Variants in KCNN3 observed in about 807,000 individuals in gnomAD.
KCNN3 encodes potassium calcium-activated channel subfamily N member 3.
In KCNN3, 16 loss-of-function variants were observed where a neutral mutation model predicts 62.9. The observed-to-expected ratio is 0.25, with a 90% CI of 0.17 to 0.39. The LOEUF is 0.39. KCNN3 is among the 10% of genes least tolerant of loss of function. KCNN3 has a pLI of 1.00. For synonymous variants in KCNN3, 370 were observed against 389.2 expected (o/e 0.95, Z 0.58); for missense variants, 599 against 949.4 (o/e 0.63, Z 4.85).
intron 6 of KCNN3, among the ~76,000 whole-genome samples, chr1:154,714,170 T>G: frequency 8.7e-6 from 1 of 115,230 alleles, no homozygotes; most frequent in Non-Finnish European, 1.8e-5. Flanking sequence ...GTGTGTGTGA[T>G]GTGTGGTGTG....
chr1:154,857,380 G>A (rs1225408618), intron 1 of KCNN3, among the ~76,000 whole-genome samples: 2 of 152,166 alleles, frequency 1.3e-5, no homozygotes, highest in Non-Finnish European at 2.9e-5. Context: ...CACGGCACCT[G>A]GAGCTTCAGC....
rs1009453212 is a variant in KCNN3 at position 154,869,481 on chromosome 1, C to T, written c.484G>A (p.Val162Met). The change falls in exon 1 of 8, where the codon GTG becomes ATG. Residue 162 changes from valine to methionine, a missense_variant. By Grantham distance (21) the Val-to-Met change is conservative. Around this residue, in one of 7 missense-constraint regions of KCNN3, gnomAD observed 112 missense variants for 142.9 expected, o/e 0.78. Coordinates refer to ENST00000271915, the MANE Select transcript of KCNN3 (RefSeq NM_002249.6). The surrounding 1 kb of genome is among the most constrained non-coding windows in gnomAD (Gnocchi z 6.1). ...GSRHRQASPL[V>M]HRRDSNPFTE... ...AAGGGGTTGCTGTCCCGCCGGTGCA[C>T]CAGGGGGCTGGCCTGTCGGTGCCGG... 5.6e-6 allele frequency: 9 copies of T among 1,613,974 alleles called. No individual in the cohort carries two copies. The highest frequency in any genetic ancestry group is 6.8e-6 in the Non-Finnish European group (8 of 1,180,028).
intron 2 of KCNN3, among the ~76,000 whole-genome samples, chr1:154,804,395 T>C (rs1346735386): frequency 6.6e-6 from 1 of 152,276 alleles, no homozygotes; most frequent in Admixed American, 6.5e-5. Flanking sequence ...ATTCATGATA[T>C]GCCTTCACGA....
chr1:154,804,609 TA>T (rs1298482504), intron 2 of KCNN3, among the ~76,000 whole-genome samples: 1 of 152,022 alleles, frequency 6.6e-6, no homozygotes, highest in Non-Finnish European at 1.5e-5. Context: ...TGGCACTGAG[TA>T]GGGAATCGGT....
intron 2 of KCNN3, among the ~76,000 whole-genome samples, chr1:154,821,011 T>G (rs1027890296): frequency 6.6e-6 from 1 of 152,214 alleles, no homozygotes; most frequent in East Asian, 1.9e-4. Flanking sequence ...AACGGTGTTG[T>G]TAAATAGCGC....
intron 2 of KCNN3, among the ~76,000 whole-genome samples, chr1:154,802,627 T>G (rs1346537028): frequency 2.6e-5 from 4 of 152,060 alleles, no homozygotes; most frequent in Non-Finnish European, 5.9e-5. Context: ...GACCAACAGC[T>G]GCAGACTAAT....
intron 2 of KCNN3, among the ~76,000 whole-genome samples, chr1:154,810,781 A>G (rs760638487): frequency 3.9e-5 from 6 of 152,196 alleles, no homozygotes; most frequent in Non-Finnish European, 8.8e-5. Flanking sequence ...GGAAGTCCCC[A>G]TGACTCAGCC....
intron 1 of KCNN3, among the ~76,000 whole-genome samples, chr1:154,840,896 C>T (rs975659595): frequency 1.3e-5 from 2 of 152,256 alleles, no homozygotes; most frequent in African/African-American, 2.4e-5. Flanking sequence ...GTCAGGCCAC[C>T]GAATCCAGAC....
At chr1:154,842,996 G>T (rs1326884401) in intron 1 of KCNN3, among the ~76,000 whole-genome samples, 2 of 152,192 alleles carry the variant, frequency 1.3e-5, no homozygotes, top group South Asian at 4.1e-4. Context: ...GAGATGACAC[G>T]TGTAAATAAG....
chr1:154,752,019 T>C (rs976423318), intron 3 of KCNN3, among the ~76,000 whole-genome samples: 1 of 152,070 alleles, frequency 6.6e-6, no homozygotes, highest in Non-Finnish European at 1.5e-5. Flanking sequence ...CTCACTGAAA[T>C]TAGGAAGACA....
chr1:154,725,684 C>T (rs1283565121), intron 5 of KCNN3, among the ~76,000 whole-genome samples: 34 of 152,070 alleles, frequency 2.2e-4, no homozygotes, highest in Admixed American at 2.2e-3. Flanking sequence ...GCTGGGACTA[C>T]AGGTGTGTGC....
At chr1:154,770,833 G>C (rs1418270620) in intron 3 of KCNN3, among the ~76,000 whole-genome samples, 1 of 152,156 alleles carries the variant, frequency 6.6e-6, no homozygotes, top group Non-Finnish European at 1.5e-5. Context: ...AAGGTAGGAG[G>C]ATCACTTGAA....
rs574223094 is a variant in KCNN3, at chr1:154,826,433, G to C, written c.934-4249C>G. On this transcript the variant is annotated intron_variant, in intron 1 of 7. Transcript: ENST00000271915. ...CACTCTTACAGAGGAGAAAGCTTAA[G>C]CTCTCAGAAGTTAGGTAACTTGTCC... 2.0e-5 allele frequency among the ~76,000 whole-genome samples: 3 copies of C among 152,308 alleles called. No homozygotes were observed. The East Asian group carries it at 5.8e-4, about 29-fold the overall frequency.
chr1:154,772,263 G>C lies in KCNN3; in HGVS notation c.1160C>G (p.Thr387Arg). 6.2e-7 allele frequency: 1 copy of C among 1,614,210 alleles called. No homozygotes were observed. The highest frequency in any genetic ancestry group is 1.1e-5 in the South Asian group (1 of 91,078). Residue 387 changes from threonine (T) to arginine (R), a missense_variant, in exon 3 of 8, where the codon ACG (threonine) becomes AGG (arginine). Transcript: ENST00000271915. This position sits in a 1 kb window ranked among gnomAD's most constrained non-coding sequence, Gnocchi z 5.6. ...PIPGEYKFFW[T>R]ARLAFSYTPS... is the part of the protein sequence containing the mutation. ...TGTGTAGGAGAAGGCCAGGCGTGCC[G>C]TCCAGAAGAACTTGTACTCGCCAGG...
chr1:154,772,291 T>C lies in KCNN3; in HGVS notation c.1132A>G (p.Ile378Val), dbSNP rs1396346957. 6 of 1,614,002 alleles carry C rather than the reference T, an allele frequency of 3.7e-6. No individual in the cohort carries two copies. The highest frequency in any genetic ancestry group is 3.3e-5 in the Admixed American group (2 of 60,000). Reference protein sequence around the residue: ...LEMLVCAIHPIPGEYKFFWTA... With the variant: ...LEMLVCAIHPVPGEYKFFWTA... The stretch of plus-strand genomic sequence containing the variant: ...CAGAAGAACTTGTACTCGCCAGGAA[T>C]GGGGTGGATGGCGCACACCAGCATC... Residue 378 changes from isoleucine to valine, a missense_variant, in exon 3 of 8, where the codon ATT (isoleucine) becomes GTT (valine). Around this residue, in one of 7 missense-constraint regions of KCNN3, gnomAD observed 288 missense variants for 557.4 expected, o/e 0.52. Coordinates refer to ENST00000271915, the MANE Select transcript of KCNN3 (RefSeq NM_002249.6). This position sits in a 1 kb window ranked among gnomAD's most constrained non-coding sequence, Gnocchi z 5.6.
rs550618946 is a variant in KCNN3 at position 154,706,761 on chromosome 1, G to T, written c.*1215C>A. 1 of 152,318 alleles carries T rather than the reference G, an allele frequency of 6.6e-6. No homozygotes were observed. The highest frequency in any genetic ancestry group is 1.9e-4 in the East Asian group (1 of 5,186). 9.4% of individuals were successfully genotyped at this position (152,318 alleles called of 1,614,324 possible). On this transcript the variant is annotated 3_prime_UTR_variant, in exon 8 of 8. Transcript: ENST00000271915. ...CTTCATCACTTCTCCTCCTAGCTCA[G>T]AGGCTCACAATTGAGGCACTTGGCC...
intron 3 of KCNN3, among the ~76,000 whole-genome samples, chr1:154,745,178 C>T (rs907147994): frequency 6.6e-6 from 1 of 152,170 alleles, no homozygotes; most frequent in Admixed American, 6.5e-5. Context: ...AAGGTAACAG[C>T]CCTGGATCTT....
intron 3 of KCNN3, among the ~76,000 whole-genome samples, chr1:154,740,899 G>A (rs960533696): frequency 6.6e-6 from 1 of 152,002 alleles, no homozygotes; most frequent in East Asian, 1.9e-4. Flanking sequence ...TTGTCAGTTT[G>A]TGTGTTGCAA....
At position 154,705,432 on chromosome 1, in the gene KCNN3, A is replaced by G. The variant is rs1025956676; in HGVS notation, c.*2544T>C. The stretch of plus-strand genomic sequence containing the variant: ...CTTTTGCCAAGAATAAAAATCATGT[A>G]TAGCTATTGCACTACCAATAGGTCA... On this transcript the variant is annotated 3_prime_UTR_variant, in exon 8 of 8. Coordinates refer to ENST00000271915, the MANE Select transcript of KCNN3 (RefSeq NM_002249.6). 1.3e-5 allele frequency: 2 copies of G among 152,172 alleles called. No homozygotes were observed. The highest frequency in any genetic ancestry group is 2.9e-5 in the Non-Finnish European group (2 of 68,030). 9.4% of individuals were successfully genotyped at this position (152,172 alleles called of 1,614,324 possible).
Sources: gnomAD v4.1 joint callset for allele counts (sites outside exome capture counted in the v4.1 genomes callset) on GRCh38, gnomAD v4.1.1 for gene constraint, gnomAD v4.1.1 regional missense constraint, Gnocchi (gnomAD v3.1) non-coding constraint, MANE v1.5 for transcripts, NCBI Gene and HGNC (gene_info 2026-07-23, HGNC 2026-07-21) for gene names.